EGFR: variants seen among roughly 807,000 people sequenced by gnomAD.
EGFR encodes avian erythroblastic leukemia viral (v-erb-b) oncogene homolog.
Under a neutral mutation model 143.0 loss-of-function variants are expected in EGFR, and 58 were observed. The ratio of observed to expected loss-of-function variants is 0.41; its 90% CI spans 0.33 to 0.50. The LOEUF (loss-of-function observed/expected upper bound fraction) is 0.50. Ranked by LOEUF, EGFR falls within the 20% of genes least tolerant of loss-of-function variation. The pLI, the probability that EGFR is intolerant of heterozygous loss-of-function variation, is 0.39. For missense variants in EGFR, 1,307 were observed against 1,579.0 expected (o/e 0.83, Z 2.92); for synonymous variants, 613 against 594.4 (o/e 1.03, Z -0.45).
chr7:55,137,480 C>T (rs1274452374), intron 1 of EGFR, among the ~76,000 whole-genome samples: 5 of 152,126 alleles, frequency 3.3e-5, no homozygotes, highest in Non-Finnish European at 5.9e-5. Context: ...GCCACAGGGC[C>T]TACCCTACAA....
intron 1 of EGFR, among the ~76,000 whole-genome samples, chr7:55,114,105 C>T (rs56998355): frequency 0.069 from 10,434 of 152,248 alleles, 471 homozygotes; most frequent in Middle Eastern, 0.17. Context: ...TGGAATATTA[C>T]AAAAATATAG....
intron 1 of EGFR, among the ~76,000 whole-genome samples, chr7:55,085,609 C>T (rs1002207886): frequency 5.3e-5 from 8 of 152,230 alleles, no homozygotes; most frequent in African/African-American, 1.7e-4. Flanking sequence ...CTGAAAACTC[C>T]TGCTGAAGTA....
At chr7:55,118,784 G>A (rs546507493) in intron 1 of EGFR, among the ~76,000 whole-genome samples, 25 of 152,196 alleles carry the variant, frequency 1.6e-4, no homozygotes, top group Middle Eastern at 3.4e-3. Flanking sequence ...ACAGGGAGGG[G>A]TGAAGTGACA....
chr7:55,132,083 A>G (rs535408652), intron 1 of EGFR, among the ~76,000 whole-genome samples: 2 of 152,072 alleles, frequency 1.3e-5, no homozygotes, highest in Admixed American at 6.5e-5. Flanking sequence ...TCATGGGTAA[A>G]CCAATGTAAA....
chr7:55,025,490 G>C (rs1786828887), intron 1 of EGFR, among the ~76,000 whole-genome samples: 1 of 152,192 alleles, frequency 6.6e-6, no homozygotes, highest in Non-Finnish European at 1.5e-5. Flanking sequence ...GAAGGGAAGG[G>C]AGGAGAAGAG....
At position 55,192,757 on chromosome 7, in the gene EGFR, C is replaced by T. The variant is rs370210300; in HGVS notation, c.2626-9C>T. 6.2e-7 allele frequency: 1 copy of T among 1,613,442 alleles called. No individual in the cohort carries two copies. The highest frequency in any genetic ancestry group is 1.3e-5 in the African/African-American group (1 of 74,912). On this transcript the variant is annotated splice_polypyrimidine_tract_variant and intron_variant, in intron 21 of 27. Transcript: ENST00000275493. The stretch of plus-strand genomic sequence containing the variant: ...GTTGTCTCACTGCCTCATCTCTCAC[C>T]ATCCCAAGGTGCCTATCAAGTGGAT...
rs972882489 is a variant in EGFR at position 55,191,614 on chromosome 7, G to C, written c.2470-105G>C. ...TAACGTTCGCCAGCCATAAGTCCTCGACGTGGAGAGGCTCAGAGCCTGGCA... is the reference window on the plus strand; with the variant it reads ...TAACGTTCGCCAGCCATAAGTCCTCCACGTGGAGAGGCTCAGAGCCTGGCA... On this transcript the variant is annotated intron_variant, in intron 20 of 27. Transcript: ENST00000275493. 2.0e-6 allele frequency: 3 copies of C among 1,502,976 alleles called. No individual in the cohort carries two copies. In the African/African-American group the frequency reaches 4.1e-5, roughly 21 times the overall value. The allele number at this position is 1,502,976 out of a possible 1,614,324, so 93.1% of individuals were successfully genotyped here. A position where few individuals can be genotyped will look rare whatever the true frequency, so the allele number is the denominator to read the frequency against.
intron 1 of EGFR, among the ~76,000 whole-genome samples, chr7:55,052,305 A>G (rs568085461): frequency 6.6e-6 from 1 of 152,340 alleles, no homozygotes; most frequent in Admixed American, 6.5e-5. Context: ...TTCTTCATGC[A>G]CAGTTATTCA....
At chr7:55,192,174 G>A (rs1239170951) in intron 21 of EGFR, among the ~76,000 whole-genome samples, 4 of 152,132 alleles carry the variant, frequency 2.6e-5, no homozygotes, top group African/African-American at 7.2e-5. Flanking sequence ...CTTCAATAGC[G>A]CAATTGGGAA....
intron 27 of EGFR, among the ~76,000 whole-genome samples, chr7:55,204,869 A>G (rs1338298890): frequency 6.6e-6 from 1 of 151,400 alleles, no homozygotes; most frequent in Non-Finnish European, 1.5e-5. Flanking sequence ...CACCACACAC[A>G]CATACAAATA....
chr7:55,133,456 G>A (rs1373375020), intron 1 of EGFR, among the ~76,000 whole-genome samples: 2 of 152,234 alleles, frequency 1.3e-5, no homozygotes, highest in Non-Finnish European at 2.9e-5. Flanking sequence ...GCACAGGGCA[G>A]TCTTGACTTT....
intron 7 of EGFR, 60 bp downstream of exon 7, chr7:55,154,212 T>C: frequency 6.2e-7 from 1 of 1,607,760 alleles, no homozygotes; most frequent in South Asian, 1.1e-5. Context: ...CTCTGTCTCC[T>C]GCTGAGCCCT....
intron 1 of EGFR, among the ~76,000 whole-genome samples, chr7:55,114,790 A>G (rs1792728577): frequency 6.6e-6 from 1 of 151,536 alleles, no homozygotes; most frequent in Non-Finnish European, 1.5e-5. Flanking sequence ...AATTCTAAAT[A>G]TATTGTTACC....
intron 20 of EGFR, among the ~76,000 whole-genome samples, chr7:55,186,104 G>T (rs1033041961): frequency 2.6e-5 from 4 of 152,178 alleles, no homozygotes; most frequent in African/African-American, 9.6e-5. Flanking sequence ...GGCCACTCAG[G>T]CCTATTCCTA....
At chr7:55,106,931 C>T (rs1792169365) in intron 1 of EGFR, among the ~76,000 whole-genome samples, 1 of 152,182 alleles carries the variant, frequency 6.6e-6, no homozygotes. Flanking sequence ...TTCAAATATT[C>T]CTGAATTGGC....
intron 1 of EGFR, among the ~76,000 whole-genome samples, chr7:55,094,266 T>C (rs944676115): frequency 6.6e-6 from 1 of 152,192 alleles, no homozygotes; most frequent in Non-Finnish European, 1.5e-5. Context: ...GAGAGATAGC[T>C]CTTGGTCTGT....
At chr7:55,102,637 C>T (rs911640796) in intron 1 of EGFR, among the ~76,000 whole-genome samples, 4 of 152,116 alleles carry the variant, frequency 2.6e-5, no homozygotes, top group East Asian at 1.9e-4. Context: ...CTGATGTTTG[C>T]GTCAAAATGC....
At chr7:55,124,513 A>G (rs574953922) in intron 1 of EGFR, among the ~76,000 whole-genome samples, 75 of 152,342 alleles carry the variant, frequency 4.9e-4, no homozygotes, top group African/African-American at 1.8e-3. Flanking sequence ...CTTTATGCTA[A>G]GAGTTGTGGA....
chr7:55,179,282 T>C (rs1584234463), intron 19 of EGFR, among the ~76,000 whole-genome samples: 1 of 152,258 alleles, frequency 6.6e-6, no homozygotes, highest in African/African-American at 2.4e-5. Context: ...TTTGTTCATA[T>C]GGAAGGCTAG....
Sources: gnomAD v4.1 joint callset for allele counts (sites outside exome capture counted in the v4.1 genomes callset) on GRCh38, gnomAD v4.1.1 for gene constraint, MANE v1.5 for transcripts, NCBI Gene and HGNC (gene_info 2026-07-23, HGNC 2026-07-21) for gene names.